AUNIP: variants seen among roughly 807,000 people sequenced by gnomAD.
The protein encoded by AUNIP is aurora kinase A- and ninein-interacting protein.
A neutral mutation model predicts 12.2 loss-of-function variants in AUNIP; 16 were observed. That is an observed-to-expected ratio of 1.31 (90% CI 0.88 to 1.99). AUNIP has a LOEUF of 1.99. AUNIP is among the 30% of genes most tolerant of loss of function. The pLI is 0.00. For missense variants in AUNIP, 411 were observed against 419.1 expected (o/e 0.98, Z 0.17); for synonymous variants, 142 against 154.8 (o/e 0.92, Z 0.61).
In AUNIP at chr1:25,834,342, G is replaced by A. The variant is rs1239040016; in HGVS notation, c.*651C>T. Reference sequence around the variant, plus strand: ...TAAAAGCTCACACATCTGGCTGGGCGCGGTGGCTTATGCCTGTAATCTCAG... The same window carrying A: ...TAAAAGCTCACACATCTGGCTGGGCACGGTGGCTTATGCCTGTAATCTCAG... On this transcript the variant is annotated 3_prime_UTR_variant, in exon 3 of 3. Coordinates refer to ENST00000374298, the MANE Select transcript of AUNIP (RefSeq NM_024037.3). 1.8e-5 allele frequency: 18 copies of A among 985,344 alleles called. No individual in the cohort carries two copies. The highest frequency in any genetic ancestry group is 5.2e-4 in the Middle Eastern group (1 of 1,912). The allele number at this position is 985,344 out of a possible 1,614,324, so 61.0% of individuals were successfully genotyped here. A position where few individuals can be genotyped will look rare whatever the true frequency, so the allele number is the denominator to read the frequency against.
At position 25,834,442 on chromosome 1, in the gene AUNIP, C is replaced by T. The variant is rs1478445213; in HGVS notation, c.*551G>A. On this transcript the variant is annotated 3_prime_UTR_variant, in exon 3 of 3. Coordinates refer to ENST00000374298, the MANE Select transcript of AUNIP (RefSeq NM_024037.3). ...CATCCTGGCTAATATGGTGAAACCT[C>T]GTCTCTACTAAAAATCCAAAAAAAA... 6.1e-6 allele frequency: 5 copies of T among 815,540 alleles called. No homozygotes were observed. The highest frequency in any genetic ancestry group is 5.6e-5 in the South Asian group (1 of 17,852). The allele number at this position is 815,540 out of a possible 1,614,324, so 50.5% of individuals were successfully genotyped here.
At chr1:25,848,916 T>G (rs2048406372) in intron 1 of AUNIP, among the ~76,000 whole-genome samples, 1 of 152,236 alleles carries the variant, frequency 6.6e-6, no homozygotes. Flanking sequence ...GACTTGGCTC[T>G]CTATACCCCT....
chr1:25,849,287 T>C (rs571959584), intron 1 of AUNIP, among the ~76,000 whole-genome samples: 51 of 152,306 alleles, frequency 3.3e-4, no homozygotes, highest in South Asian at 1.2e-3. Flanking sequence ...ACCATAAAAT[T>C]TGCCCATTTA....
rs1405925341 is a variant in AUNIP, at chr1:25,837,566, G to A, written c.79-12C>T. The A allele has an allele frequency of 1.2e-6, 2 of 1,606,630 alleles. No homozygotes were observed. Among genetic ancestry groups the A allele is most frequent in the Non-Finnish European group, 1.7e-6 (2 of 1,176,348 alleles). Reference sequence around the variant, plus strand: ...TTGATTAAATGTGTCTGAGAAAGGAGAGAAAAAAGAATAATGAGCCTATTA... The same window carrying A: ...TTGATTAAATGTGTCTGAGAAAGGAAAGAAAAAAGAATAATGAGCCTATTA... On this transcript the variant is annotated splice_polypyrimidine_tract_variant and intron_variant, in intron 1 of 2. Transcript: ENST00000374298.
chr1:25,857,753 C>T (rs1307310767), intron 1 of AUNIP, among the ~76,000 whole-genome samples: 1 of 151,088 alleles, frequency 6.6e-6, no homozygotes, highest in Non-Finnish European at 1.5e-5. Flanking sequence ...GTCCCAGCTA[C>T]TCGGGAGGCT....
At chr1:25,852,739 C>T (rs994810314) in intron 1 of AUNIP, among the ~76,000 whole-genome samples, 1 of 152,042 alleles carries the variant, frequency 6.6e-6, no homozygotes, top group Non-Finnish European at 1.5e-5. Flanking sequence ...TGCGCCTGGC[C>T]GAGATTCTTT....
At chr1:25,837,214 C>A (rs1021856071) in intron 2 of AUNIP, among the ~76,000 whole-genome samples, 199 bp downstream of exon 2, 1 of 152,148 alleles carries the variant, frequency 6.6e-6, no homozygotes, top group Non-Finnish European at 1.5e-5. Context: ...CAAAACAGAA[C>A]CAGAAAAGTA....
At position 25,835,725 on chromosome 1, in the gene AUNIP, G is replaced by A. The variant is rs1480030511; in HGVS notation, c.342C>T (p.Cys114=). 1 of 1,614,134 alleles carries A rather than the reference G, an allele frequency of 6.2e-7. No homozygotes were observed. The highest frequency in any genetic ancestry group is 1.3e-5 in the African/African-American group (1 of 74,944). ...DHLIPGLAHD[C]MASPLATSTT... ...TTGAAGTGGCTAAAGGGGATGCCAT[G>A]CAATCGTGTGCTAAGCCTGGGATCA... is the stretch of plus-strand genomic sequence containing the variant. The change falls in exon 3 of 3, where the codon TGC becomes TGT. Residue 114 remains cysteine, a synonymous_variant. Coordinates refer to ENST00000374298, the MANE Select transcript of AUNIP (RefSeq NM_024037.3).
rs1042542998 is a variant in AUNIP, at chr1:25,859,207, C to T, written c.78+73G>A. On this transcript the variant is annotated intron_variant, in intron 1 of 2. Coordinates refer to ENST00000374298, the MANE Select transcript of AUNIP (RefSeq NM_024037.3). ...TCGCTTTCATCATCTCCAGGTGTCC[C>T]CCAAACTCCTCCCGTCTTACGCCTC... The T allele has an allele frequency of 1.9e-5, 28 of 1,490,556 alleles. No homozygotes were observed. The East Asian group carries it at 3.3e-4, about 18-fold the overall frequency. The allele number at this position is 1,490,556 out of a possible 1,614,324, so 92.3% of individuals were successfully genotyped here.
At position 25,834,128 on chromosome 1, in the gene AUNIP, T is replaced by C; in HGVS notation, c.*865A>G. On this transcript the variant is annotated 3_prime_UTR_variant, in exon 3 of 3. Coordinates refer to ENST00000374298, the MANE Select transcript of AUNIP (RefSeq NM_024037.3). ...CAGCTCAGGCTTTTTAAGGGAGATA[T>C]TTAAACATAGAGTATATAACTTTAA... 1.0e-6 allele frequency: 1 copy of C among 985,106 alleles called. No individual in the cohort carries two copies. The highest frequency in any genetic ancestry group is 4.7e-5 in the South Asian group (1 of 21,278). The allele number at this position is 985,106 out of a possible 1,614,324, so 61.0% of individuals were successfully genotyped here.
At chr1:25,850,843 A>C (rs562146110) in intron 1 of AUNIP, among the ~76,000 whole-genome samples, 2 of 152,272 alleles carry the variant, frequency 1.3e-5, no homozygotes, top group East Asian at 3.9e-4. Context: ...GCAAACAGAT[A>C]ATTTTACTTC....
At chr1:25,839,465 C>T (rs912260969) in intron 1 of AUNIP, among the ~76,000 whole-genome samples, 1 of 152,168 alleles carries the variant, frequency 6.6e-6, no homozygotes. Context: ...GGGACATCTG[C>T]GTTCCCACTA....
intron 1 of AUNIP, among the ~76,000 whole-genome samples, chr1:25,858,911 T>A (rs959633216): frequency 8.5e-5 from 13 of 152,146 alleles, no homozygotes; most frequent in Admixed American, 7.9e-4. Context: ...CATCTCCCAA[T>A]GCTCCAGCCT....
At chr1:25,836,050 T>C (rs2048300563) in intron 2 of AUNIP, among the ~76,000 whole-genome samples, 3 of 152,234 alleles carry the variant, frequency 2.0e-5, no homozygotes, top group Admixed American at 1.3e-4. Context: ...TCAGATCTTA[T>C]ATTCCCTACT....
intron 1 of AUNIP, among the ~76,000 whole-genome samples, chr1:25,852,882 CTTCT>C (rs1290137691): frequency 1.3e-5 from 2 of 152,070 alleles, no homozygotes; most frequent in African/African-American, 2.4e-5. Context: ...CTTTTGATTT[CTTCT>C]TTGACTCTTG....
chr1:25,833,316 A>G (rs986676929), downstream of AUNIP, among the ~76,000 whole-genome samples: 3 of 151,790 alleles, frequency 2.0e-5, no homozygotes, highest in Non-Finnish European at 2.9e-5. Context: ...GGGTCTTGCT[A>G]TGTTGCCCAG....
chr1:25,859,331 C>T lies in AUNIP; in HGVS notation c.27G>A (p.Glu9=). The T allele has an allele frequency of 6.4e-7, 1 of 1,563,684 alleles. No individual in the cohort carries two copies. The highest frequency in any genetic ancestry group is 8.6e-7 in the Non-Finnish European group (1 of 1,156,934). The change falls in exon 1 of 3, where the codon GAG becomes GAA. Residue 9 remains glutamate, a synonymous_variant. Transcript: ENST00000374298. Reference sequence around the variant, plus strand: ...CCGCGTCCAGCCACACGCCGCAGGCCTCCTCCTCGGGGCCTGTCCGCCTCA... The same window carrying T: ...CCGCGTCCAGCCACACGCCGCAGGCTTCCTCCTCGGGGCCTGTCCGCCTCA... The part of the protein sequence containing the change: MRRTGPEE[E]ACGVWLDAAA...
downstream of AUNIP, among the ~76,000 whole-genome samples, chr1:25,833,133 T>C (rs913685797): frequency 6.6e-6 from 1 of 152,130 alleles, no homozygotes; most frequent in African/African-American, 2.4e-5. Context: ...TTCTTTTTTT[T>C]AGAAACAGTA....
intron 1 of AUNIP, among the ~76,000 whole-genome samples, chr1:25,856,585 G>C (rs1029473407): frequency 6.6e-6 from 1 of 151,990 alleles, no homozygotes; most frequent in Non-Finnish European, 1.5e-5. Flanking sequence ...TGAGGCAGGG[G>C]AACTGCTTGA....
Sources: allele counts gnomAD v4.1 joint callset (sites outside exome capture counted in the v4.1 genomes callset), GRCh38; gene constraint gnomAD v4.1.1; transcripts MANE v1.5; gene names NCBI Gene and HGNC (gene_info 2026-07-23, HGNC 2026-07-21).